TNR: variants seen among roughly 807,000 people sequenced by gnomAD.
The protein encoded by TNR is tenascin-R.
In TNR, 45 loss-of-function variants were observed where a neutral mutation model predicts 150.4. That is an observed-to-expected ratio of 0.30 (90% CI 0.24 to 0.38). The LOEUF (loss-of-function observed/expected upper bound fraction) is 0.38. TNR is among the 10% of genes least tolerant of loss of function. The probability of loss-of-function intolerance (pLI) is 1.00; values close to 1 mark genes in which losing one functional copy is unlikely to be tolerated. For synonymous variants in TNR, 687 were observed against 678.4 expected (o/e 1.01, Z -0.20); for missense variants, 1,544 against 1,759.1 (o/e 0.88, Z 2.19).
At position 175,317,289 on chromosome 1, in the gene TNR, G is replaced by A. The variant is rs1245326760; in HGVS notation, c.*6068C>T. 3.3e-5 allele frequency: 5 copies of A among 152,234 alleles called. No individual in the cohort carries two copies. Among genetic ancestry groups the A allele is most frequent in the Admixed American group, 2.0e-4 (3 of 15,288 alleles). The allele number at this position is 152,234 out of a possible 1,614,324, so 9.4% of individuals were successfully genotyped here. A position where few individuals can be genotyped will look rare whatever the true frequency, so the allele number is the denominator to read the frequency against. On this transcript the variant is annotated 3_prime_UTR_variant, in exon 23 of 23. Transcript: ENST00000367674. ...CTCAGCTCTGTTACTAATTGCCTGT[G>A]TGAATGTGAGCAAATTGCCTAAACT...
At chr1:175,525,698 G>C (rs1476964318) in intron 2 of TNR, among the ~76,000 whole-genome samples, 6 of 152,294 alleles carry the variant, frequency 3.9e-5, no homozygotes, top group Middle Eastern at 3.4e-3. Context: ...GAAATATGGT[G>C]GGCCGTCGTT....
chr1:175,681,519 T>G (rs1030173527), intron 1 of TNR, among the ~76,000 whole-genome samples: 1 of 152,208 alleles, frequency 6.6e-6, no homozygotes. Flanking sequence ...CCATTGATCC[T>G]TCCATAAAGC....
rs1427461833 is a variant in TNR at position 175,426,809 on chromosome 1, AT to A, written c.-63-20033del. ...GTGTGTGTGTATATATATAATATAT[AT>A]AAAATATAAATATATATAAAATATA... On this transcript the variant is annotated intron_variant, in intron 2 of 22. Transcript: ENST00000367674. Among the ~76,000 whole-genome samples, 168 of 130,500 alleles carry A rather than the reference AT, an allele frequency of 1.3e-3. 5 individuals are homozygous for A. Among genetic ancestry groups the A allele is most frequent in the African/African-American group, 4.9e-3 (155 of 31,762 alleles). The allele number at this position is 130,500 out of a possible 152,430, so 85.6% of individuals were successfully genotyped here.
chr1:175,712,115 C>T (rs1362062444), intron 1 of TNR, among the ~76,000 whole-genome samples: 2 of 152,178 alleles, frequency 1.3e-5, no homozygotes, highest in Non-Finnish European at 2.9e-5. Context: ...CTGCTATGTG[C>T]CAGGCACTGT....
At chr1:175,565,952 A>G (rs1661625075) in intron 1 of TNR, among the ~76,000 whole-genome samples, 1 of 152,176 alleles carries the variant, frequency 6.6e-6, no homozygotes, top group African/African-American at 2.4e-5. Flanking sequence ...AAAGCAGGCA[A>G]TCTAATAGGG....
chr1:175,705,563 T>C (rs1378759528), intron 1 of TNR, among the ~76,000 whole-genome samples: 2 of 152,026 alleles, frequency 1.3e-5, no homozygotes, highest in Non-Finnish European at 2.9e-5. Flanking sequence ...ATGGTGTGTA[T>C]GTGTGATGTG....
chr1:175,583,625 G>C (rs1239793546), intron 1 of TNR, among the ~76,000 whole-genome samples: 1 of 152,160 alleles, frequency 6.6e-6, no homozygotes, highest in African/African-American at 2.4e-5. Flanking sequence ...TAGTAGAGCA[G>C]TGGTCAACTA....
chr1:175,471,241 T>A (rs1304669433), intron 2 of TNR, among the ~76,000 whole-genome samples: 1 of 152,194 alleles, frequency 6.6e-6, no homozygotes, highest in Non-Finnish European at 1.5e-5. Flanking sequence ...CATCACAGCT[T>A]GTAAAAATCT....
chr1:175,438,814 C>A (rs1655639721), intron 2 of TNR, among the ~76,000 whole-genome samples: 2 of 152,108 alleles, frequency 1.3e-5, no homozygotes, highest in Non-Finnish European at 2.9e-5. Context: ...ATCCAACTTA[C>A]AAGGGATGTG....
chr1:175,404,784 T>A (rs1019774135), intron 3 of TNR, among the ~76,000 whole-genome samples: 22 of 152,324 alleles, frequency 1.4e-4, no homozygotes, highest in African/African-American at 4.3e-4. Flanking sequence ...CCTAGGACTT[T>A]CCCCTATTCT....
chr1:175,530,038 A>G (rs1196283442), intron 1 of TNR, among the ~76,000 whole-genome samples: 1 of 152,246 alleles, frequency 6.6e-6, no homozygotes, highest in Non-Finnish European at 1.5e-5. Context: ...TCCTAAAATT[A>G]TAAAAGTGAC....
At chr1:175,587,604 T>G (rs762072698) in intron 1 of TNR, among the ~76,000 whole-genome samples, 2 of 152,070 alleles carry the variant, frequency 1.3e-5, no homozygotes, top group Non-Finnish European at 2.9e-5. Flanking sequence ...AAAGCAACAA[T>G]CAAGGACCTG....
At chr1:175,486,058 C>G (rs923048172) in intron 2 of TNR, among the ~76,000 whole-genome samples, 4 of 151,834 alleles carry the variant, frequency 2.6e-5, no homozygotes, top group African/African-American at 9.7e-5. Flanking sequence ...TTTCCATTAA[C>G]TAGGAGGTAC....
At chr1:175,690,236 T>A (rs1200400664) in intron 1 of TNR, among the ~76,000 whole-genome samples, 2 of 152,248 alleles carry the variant, frequency 1.3e-5, no homozygotes, top group Admixed American at 1.3e-4. Context: ...TGTGGGGTAC[T>A]GTTATAGGCT....
rs80122493 is a variant in TNR, at chr1:175,387,228, T to C, written c.1508-927A>G. On this transcript the variant is annotated intron_variant, in intron 7 of 22. Transcript: ENST00000367674. Reference sequence around the variant, plus strand: ...GCCAAGTGAGGAGAATAGGAAATGGTCTTCTCAACTTCTCATGGGATGTCT... The same window carrying C: ...GCCAAGTGAGGAGAATAGGAAATGGCCTTCTCAACTTCTCATGGGATGTCT... 4.1e-3 allele frequency among the ~76,000 whole-genome samples: 622 copies of C among 152,294 alleles called. 6 individuals carry two copies. The highest frequency in any genetic ancestry group is 0.015 in the African/African-American group (607 of 41,558).
chr1:175,509,800 A>T (rs1659096272), intron 2 of TNR, among the ~76,000 whole-genome samples: 1 of 152,244 alleles, frequency 6.6e-6, no homozygotes, highest in Non-Finnish European at 1.5e-5. Context: ...AGATCTCTGG[A>T]CCAGGGACCA....
intron 1 of TNR, among the ~76,000 whole-genome samples, chr1:175,647,124 CAAT>C (rs1337414219): frequency 3.3e-5 from 5 of 152,194 alleles, no homozygotes; most frequent in African/African-American, 4.8e-5. Context: ...GCTCTGCCTG[CAAT>C]AATATTTTAC....
At chr1:175,335,390 G>A (rs1650188008) in intron 20 of TNR, 2 of 244,114 alleles carry the variant, frequency 8.2e-6, no homozygotes, top group African/African-American at 2.2e-5. Context: ...CTGGGAGATG[G>A]CCAGGCAGCC....
intron 2 of TNR, among the ~76,000 whole-genome samples, chr1:175,407,474 C>T (rs948580519): frequency 4.6e-5 from 7 of 152,120 alleles, no homozygotes; most frequent in Non-Finnish European, 7.3e-5. Context: ...GAATTAGCTC[C>T]TCTGCTGGTT....
Sources: allele counts gnomAD v4.1 joint callset (sites outside exome capture counted in the v4.1 genomes callset), GRCh38; gene constraint gnomAD v4.1.1; transcripts MANE v1.5; gene names NCBI Gene and HGNC (gene_info 2026-07-23, HGNC 2026-07-21).